The following SLC25A21 variants were observed in gnomAD, a reference collection of about 807,000 sequenced individuals.
SLC25A21 encodes solute carrier family 25 member 21.
SLC25A21 carries 47 observed loss-of-function variants against 43.8 expected under a neutral mutation model. The ratio of observed to expected loss-of-function variants is 1.07; its 90% CI spans 0.85 to 1.37. The LOEUF (loss-of-function observed/expected upper bound fraction) is 1.37. SLC25A21 is among the 40% of genes most tolerant of loss of function. SLC25A21 has a pLI of 0.00. For missense variants in SLC25A21, 352 were observed against 350.2 expected, an observed-to-expected ratio of 1.00 and a Z score of -0.04; for synonymous variants, 131 against 121.3, an observed-to-expected ratio of 1.08 and a Z score of -0.52.
At chr14:36,691,125 G>A (rs963647014) in intron 7 of SLC25A21, among the ~76,000 whole-genome samples, 18 of 152,160 alleles carry the variant, frequency 1.2e-4, no homozygotes, top group Non-Finnish European at 2.1e-4. Flanking sequence ...GAGAGCTAAA[G>A]TTCTATTATT....
intron 6 of SLC25A21, among the ~76,000 whole-genome samples, chr14:36,721,918 G>A (rs1258483413): frequency 6.6e-6 from 1 of 152,200 alleles, no homozygotes; most frequent in Admixed American, 6.5e-5. Context: ...GACAAAACAT[G>A]AATGCATTCT....
chr14:37,115,518 C>T (rs1963091698), intron 1 of SLC25A21, among the ~76,000 whole-genome samples: 1 of 152,118 alleles, frequency 6.6e-6, no homozygotes, highest in South Asian at 2.1e-4. Flanking sequence ...AGCATAACTC[C>T]AAAGAACTCA....
At chr14:37,005,206 G>GCA (rs376479609) in intron 1 of SLC25A21, among the ~76,000 whole-genome samples, 101 of 150,606 alleles carry the variant, frequency 6.7e-4, no homozygotes, top group East Asian at 2.0e-3. Flanking sequence ...ACATGCAAAT[G>GCA]CACACACACA....
chr14:37,164,115 C>T (rs967878601), intron 1 of SLC25A21, among the ~76,000 whole-genome samples: 3 of 152,200 alleles, frequency 2.0e-5, no homozygotes, highest in African/African-American at 7.2e-5. Flanking sequence ...CATATAGCCA[C>T]ATATTAAGGG....
At chr14:36,742,361 T>C (rs1033594) in intron 3 of SLC25A21, among the ~76,000 whole-genome samples, 86,587 of 151,998 alleles carry the variant, frequency 0.57, 26,028 homozygotes, top group African/African-American at 0.77. Context: ...GCTTCCATTG[T>C]TTGATGGATC....
intron 1 of SLC25A21, among the ~76,000 whole-genome samples, chr14:37,116,649 AT>A: frequency 6.6e-6 from 1 of 152,276 alleles, no homozygotes; most frequent in Admixed American, 6.5e-5. Context: ...TGAAATGAAG[AT>A]GTTGTTGTTG....
intron 2 of SLC25A21, among the ~76,000 whole-genome samples, chr14:36,827,031 G>A (rs528947267): frequency 8.5e-5 from 13 of 152,300 alleles, no homozygotes; most frequent in African/African-American, 2.9e-4. Flanking sequence ...CACAGCTGAC[G>A]CCAGCCTGAA....
In SLC25A21 at chr14:36,678,889, A is replaced by G; in HGVS notation, c.*1769T>C. On this transcript the variant is annotated 3_prime_UTR_variant, in exon 10 of 10. Transcript: ENST00000331299. ...AATTTGCTATTCAAAGAAAATTATG[A>G]TTTAAAGCCACTTTTTAAAATACGA... 1.0e-6 allele frequency: 1 copy of G among 976,214 alleles called. No individual in the cohort carries two copies. The highest frequency in any genetic ancestry group is 1.2e-6 in the Non-Finnish European group (1 of 820,532). 60.5% of individuals were successfully genotyped at this position (976,214 alleles called of 1,614,324 possible).
intron 1 of SLC25A21, among the ~76,000 whole-genome samples, chr14:36,910,283 A>G (rs1891651122): frequency 6.6e-6 from 1 of 152,174 alleles, no homozygotes; most frequent in African/African-American, 2.4e-5. Context: ...AATGACCTCT[A>G]TTACTTAGCG....
intron 6 of SLC25A21, among the ~76,000 whole-genome samples, chr14:36,722,498 T>C (rs781616897): frequency 1.3e-4 from 20 of 152,168 alleles, no homozygotes; most frequent in Non-Finnish European, 2.8e-4. Context: ...TGATGGGGGA[T>C]GTTGATCATG....
rs113428115 is a variant in SLC25A21 at position 36,864,982 on chromosome 14, C to T, written c.119+9974G>A. ...TGTCTATACCCCATCCTCACCTTTT[C>T]CTTGTATTCTCTCCCCATTTTAAAA... On this transcript the variant is annotated intron_variant, in intron 2 of 9. Transcript: ENST00000331299. 6.6e-3 allele frequency among the ~76,000 whole-genome samples: 995 copies of T among 151,224 alleles called. 12 individuals are homozygous for T. Among genetic ancestry groups the T allele is most frequent in the African/African-American group, 0.023 (962 of 41,290 alleles).
intron 7 of SLC25A21, among the ~76,000 whole-genome samples, chr14:36,710,672 C>T (rs1883818455): frequency 1.3e-5 from 2 of 152,248 alleles, no homozygotes; most frequent in South Asian, 4.1e-4. Flanking sequence ...TCAAGCAATC[C>T]TCCTGCCTTT....
intron 1 of SLC25A21, among the ~76,000 whole-genome samples, chr14:37,152,428 C>T (rs1263107158): frequency 6.9e-6 from 1 of 145,640 alleles, no homozygotes; most frequent in Non-Finnish European, 1.5e-5. Context: ...CTCACCCAGA[C>T]TGAAGTGCAG....
chr14:36,681,852 T>G (rs28713249), intron 9 of SLC25A21, among the ~76,000 whole-genome samples: 26,727 of 152,146 alleles, frequency 0.18, 3,565 homozygotes, highest in African/African-American at 0.34. Context: ...CCTCTTAGCT[T>G]CTCTAGGCCT....
chr14:37,103,770 C>T (rs1962860979), intron 1 of SLC25A21, among the ~76,000 whole-genome samples: 1 of 152,208 alleles, frequency 6.6e-6, no homozygotes, highest in Non-Finnish European at 1.5e-5. Context: ...AATATCATGG[C>T]ACACAACAGA....
intron 7 of SLC25A21, among the ~76,000 whole-genome samples, chr14:36,687,234 TG>T (rs1356717817): frequency 6.6e-6 from 1 of 152,218 alleles, no homozygotes; most frequent in East Asian, 1.9e-4. Flanking sequence ...ATTACAGCCA[TG>T]AGCCACCGTG....
chr14:37,026,369 G>T (rs1287870186), intron 1 of SLC25A21, among the ~76,000 whole-genome samples: 1 of 152,060 alleles, frequency 6.6e-6, no homozygotes, highest in Non-Finnish European at 1.5e-5. Context: ...GGCCAAGCTG[G>T]TAATTTCCCA....
chr14:36,862,151 C>G (rs1258754941), intron 2 of SLC25A21, among the ~76,000 whole-genome samples: 3 of 152,174 alleles, frequency 2.0e-5, no homozygotes, highest in East Asian at 3.9e-4. Context: ...AATGCTTTTA[C>G]ATGGTTGGTG....
chr14:36,742,334 TG>T, intron 3 of SLC25A21, among the ~76,000 whole-genome samples: 1 of 152,286 alleles, frequency 6.6e-6, no homozygotes, highest in East Asian at 1.9e-4. Flanking sequence ...CGCTCAACCC[TG>T]GGTTATGAGT....
Sources: allele counts gnomAD v4.1 joint callset (sites outside exome capture counted in the v4.1 genomes callset), GRCh38; gene constraint gnomAD v4.1.1; transcripts MANE v1.5; gene names NCBI Gene and HGNC (gene_info 2026-07-23, HGNC 2026-07-21).